The following YBX1 variants were observed in gnomAD, a reference collection of about 807,000 sequenced individuals.
YBX1 encodes Y-box binding protein 1, also known as Y-box-binding protein 1.
YBX1 carries 3 observed loss-of-function variants against 41.4 expected under a neutral mutation model. The observed-to-expected ratio is 0.07, with a 90% CI of 0.03 to 0.19. The LOEUF (loss-of-function observed/expected upper bound fraction) is 0.19, where lower values mean the gene tolerates loss of function less well. Among genes scored for constraint, YBX1 ranks in the 10% least tolerant of loss-of-function variants. The probability of loss-of-function intolerance (pLI) is 1.00; values close to 1 mark genes in which losing one functional copy is unlikely to be tolerated. For missense variants in YBX1, 274 were observed against 462.8 expected (o/e 0.59, Z 3.74); for synonymous variants, 133 against 165.8 (o/e 0.80, Z 1.52).
rs183879746 is a variant in YBX1, at chr1:42,685,302, C to T, written c.230+1836C>T. On this transcript the variant is annotated intron_variant, in intron 2 of 7. Transcript: ENST00000321358. The stretch of plus-strand genomic sequence containing the variant: ...AATTGGAATCAACTCAATTGGTCAT[C>T]CTCCAGGGCAAGTTATGAATTGGCT... Among the ~76,000 whole-genome samples the T allele has an allele frequency of 8.5e-5, 13 of 152,244 alleles. No individual in the cohort carries two copies. In the East Asian group the frequency reaches 2.3e-3, roughly 27 times the overall value.
intron 2 of YBX1, among the ~76,000 whole-genome samples, chr1:42,686,839 A>G (rs1650208477): frequency 6.6e-6 from 1 of 152,240 alleles, no homozygotes; most frequent in African/African-American, 2.4e-5. Flanking sequence ...ACTTGTCCCC[A>G]TAAGCATAGG....
chr1:42,684,155 G>A (rs182140226), intron 2 of YBX1, among the ~76,000 whole-genome samples: 1 of 152,302 alleles, frequency 6.6e-6, no homozygotes, highest in Admixed American at 6.5e-5. Flanking sequence ...TAGCTTATTA[G>A]AGTGGCCATA....
chr1:42,697,138 T>C (rs1162290571), intron 5 of YBX1, 42 bp from the exon 6 acceptor site: 1 of 1,588,632 alleles, frequency 6.3e-7, no homozygotes, highest in East Asian at 2.2e-5. Flanking sequence ...TTTTTTATTA[T>C]ATTACTGACC....
chr1:42,700,682 C>A, intron 6 of YBX1, 99 bp from the exon 7 acceptor site: 1 of 1,069,404 alleles, frequency 9.4e-7, no homozygotes, highest in Non-Finnish European at 1.3e-6. Flanking sequence ...CAGAATGGGC[C>A]AGACATGGTG....
At chr1:42,690,586 A>G (rs1382936714) in intron 2 of YBX1, among the ~76,000 whole-genome samples, 1 of 152,218 alleles carries the variant, frequency 6.6e-6, no homozygotes, top group African/African-American at 2.4e-5. Context: ...TGTATGTGTC[A>G]GACTGTGCAG....
chr1:42,683,119 C>G (rs1016946212), intron 1 of YBX1: 8 of 598,428 alleles, frequency 1.3e-5, no homozygotes, highest in African/African-American at 1.2e-4. Flanking sequence ...CTACGCAGGC[C>G]GGAGCGGCTT....
chr1:42,696,140 A>T lies in YBX1; in HGVS notation c.265-59A>T, dbSNP rs1187448779. 12 of 1,423,436 alleles carry T rather than the reference A, an allele frequency of 8.4e-6. No homozygotes were observed. In the Admixed American group the frequency reaches 1.6e-4, roughly 19 times the overall value. 88.2% of individuals were successfully genotyped at this position (1,423,436 alleles called of 1,614,324 possible). On this transcript the variant is annotated intron_variant, in intron 3 of 7. Coordinates refer to ENST00000321358, the MANE Select transcript of YBX1 (RefSeq NM_004559.5). This position sits in a 1 kb window ranked among gnomAD's most constrained non-coding sequence, Gnocchi z 5.7. ...AATAATATTGACTCTGGTACATTTT[A>T]AATGAAAAAGCACATTATTCTCCCC... is the stretch of plus-strand genomic sequence containing the variant.
At chr1:42,688,843 A>G (rs1209258204) in intron 2 of YBX1, among the ~76,000 whole-genome samples, 1 of 152,248 alleles carries the variant, frequency 6.6e-6, no homozygotes, top group African/African-American at 2.4e-5. Flanking sequence ...GCAGTACTGT[A>G]CATGTATTTT....
chr1:42,701,071 A>G (rs1452100879), intron 7 of YBX1, 25 bp downstream of exon 7: 7 of 1,575,460 alleles, frequency 4.4e-6, no homozygotes, highest in Admixed American at 1.7e-5. Flanking sequence ...ATGGCCATCC[A>G]TTTATGGCAG....
chr1:42,696,654 G>T lies in YBX1; in HGVS notation c.367G>T (p.Ala123Ser). 6.3e-7 allele frequency: 1 copy of T among 1,576,700 alleles called. No homozygotes were observed. ...ATGGCTTTTGTAGGGTGCGGAGGCA[G>T]CAAATGTTACAGGTCCTGGTGGTGT... is the stretch of plus-strand genomic sequence containing the variant. The part of the protein sequence containing the change: ...VVEGEKGAEA[A>S]NVTGPGGVPV... The change falls in exon 5 of 8, where the codon GCA (alanine) becomes TCA (serine). Residue 123 changes from alanine to serine, a missense_variant. Ala to Ser is a moderately conservative substitution (Grantham distance 99). Transcript: ENST00000321358. The surrounding 1 kb of genome is among the most constrained non-coding windows in gnomAD (Gnocchi z 5.7).
intron 2 of YBX1, among the ~76,000 whole-genome samples, chr1:42,690,576 T>G (rs1245780561): frequency 6.6e-6 from 1 of 152,200 alleles, no homozygotes; most frequent in Non-Finnish European, 1.5e-5. Context: ...ATTGTACATA[T>G]GTATGTGTCA....
intron 1 of YBX1, 93 bp downstream of exon 1, chr1:42,682,824 GGTGGGCA>G: frequency 6.2e-6 from 5 of 808,872 alleles, no homozygotes; most frequent in Non-Finnish European, 8.1e-6. Flanking sequence ...GCGCGCGGCC[GGTGGGCA>G]CCGACTCCGC....
chr1:42,698,680 A>G (rs1053140651), intron 6 of YBX1, among the ~76,000 whole-genome samples: 12 of 152,124 alleles, frequency 7.9e-5, no homozygotes, highest in Admixed American at 5.2e-4. Flanking sequence ...CTTGCGGTTG[A>G]TTTGTCTCTT....
intron 6 of YBX1, among the ~76,000 whole-genome samples, 197 bp from the exon 7 acceptor site, chr1:42,700,584 G>A (rs1490977217): frequency 7.3e-6 from 1 of 137,640 alleles, no homozygotes; most frequent in African/African-American, 2.8e-5. Context: ...GGGCAACAAA[G>A]CAAGACTCTT....
intron 6 of YBX1, 26 bp downstream of exon 6, chr1:42,697,288 A>G: frequency 3.1e-6 from 5 of 1,607,508 alleles, no homozygotes; most frequent in Non-Finnish European, 3.4e-6. Context: ...ACATGTTTCT[A>G]TTAAAATTTC....
chr1:42,694,660 C>T (rs1293128631), intron 3 of YBX1, among the ~76,000 whole-genome samples: 1 of 152,182 alleles, frequency 6.6e-6, no homozygotes, highest in Non-Finnish European at 1.5e-5. Context: ...ATTTCTAGTA[C>T]ACCCAAACCC....
chr1:42,683,795 T>A (rs1191478486), intron 2 of YBX1, among the ~76,000 whole-genome samples: 1 of 152,240 alleles, frequency 6.6e-6, no homozygotes, highest in Non-Finnish European at 1.5e-5. Flanking sequence ...TACATTTTTA[T>A]CCTTGTCATC....
intron 2 of YBX1, among the ~76,000 whole-genome samples, chr1:42,686,909 C>T (rs962120987): frequency 3.9e-5 from 6 of 152,182 alleles, no homozygotes; most frequent in African/African-American, 1.2e-4. Context: ...ACCAACTGCT[C>T]TTATGCTGTC....
chr1:42,695,453 C>A (rs1199937074), intron 3 of YBX1, among the ~76,000 whole-genome samples: 4 of 152,224 alleles, frequency 2.6e-5, no homozygotes, highest in Non-Finnish European at 4.4e-5. Context: ...ACAATACTTT[C>A]ACATGTCCTG....
Sources: allele counts gnomAD v4.1 joint callset (sites outside exome capture counted in the v4.1 genomes callset), GRCh38; gene constraint gnomAD v4.1.1; non-coding constraint Gnocchi (gnomAD v3.1); transcripts MANE v1.5; gene names NCBI Gene and HGNC (gene_info 2026-07-23, HGNC 2026-07-21).